The following MMP26 variants were observed in gnomAD, a reference collection of about 807,000 sequenced individuals.
The protein encoded by MMP26 is matrix metallopeptidase 26.
In MMP26, 33 loss-of-function variants were observed where a neutral mutation model predicts 31.0. The ratio of observed to expected loss-of-function variants is 1.06; its 90% CI spans 0.81 to 1.42. MMP26 has a LOEUF of 1.42. Among genes scored for constraint, MMP26 ranks in the 40% most tolerant of loss-of-function variants. The pLI, the probability that MMP26 is intolerant of heterozygous loss-of-function variation, is 0.00. For missense variants in MMP26, 347 were observed against 316.1 expected, an observed-to-expected ratio of 1.10 and a Z score of -0.74; for synonymous variants, 122 against 114.9, an observed-to-expected ratio of 1.06 and a Z score of -0.40.
intron 2 of MMP26, among the ~76,000 whole-genome samples, chr11:4,862,677 G>A (rs1850179621): frequency 6.6e-6 from 1 of 152,070 alleles, no homozygotes; most frequent in East Asian, 1.9e-4. Flanking sequence ...AGAACAAGTA[G>A]TTTCCCTACC....
intron 1 of MMP26, among the ~76,000 whole-genome samples, chr11:4,744,113 T>G (rs1292297995): frequency 6.6e-6 from 1 of 152,258 alleles, no homozygotes; most frequent in East Asian, 1.9e-4. Context: ...CTATTCTTAC[T>G]CCCCATGTCT....
intron 1 of MMP26, among the ~76,000 whole-genome samples, chr11:4,725,975 A>T (rs1848093477): frequency 6.6e-6 from 1 of 152,206 alleles, no homozygotes; most frequent in South Asian, 2.1e-4. Context: ...CTGCAGGCAC[A>T]GTAAAGCCTC....
chr11:4,827,860 G>A (rs1224790331), intron 2 of MMP26, among the ~76,000 whole-genome samples: 6 of 150,106 alleles, frequency 4.0e-5, no homozygotes, highest in African/African-American at 1.2e-4. Flanking sequence ...ACACAACAAA[G>A]ACAAACTTGT....
chr11:4,940,823 T>C (rs1464579224), intron 2 of MMP26, among the ~76,000 whole-genome samples: 2 of 152,176 alleles, frequency 1.3e-5, no homozygotes, highest in African/African-American at 4.8e-5. Flanking sequence ...CATTTTCCCC[T>C]AGCTATAATT....
chr11:4,804,287 A>G (rs1734074597), intron 2 of MMP26: 1 of 1,614,084 alleles, frequency 6.2e-7, no homozygotes, highest in African/African-American at 1.3e-5. Context: ...CAGAACGGAA[A>G]GGCAATCCAC....
At chr11:4,950,597 T>C (rs1846362684) in intron 2 of MMP26, among the ~76,000 whole-genome samples, 1 of 122,102 alleles carries the variant, frequency 8.2e-6, no homozygotes, top group Non-Finnish European at 1.9e-5. Flanking sequence ...TTTATAACAA[T>C]AGCACAGCAT....
chr11:4,744,141 A>C (rs1251987858), intron 1 of MMP26, among the ~76,000 whole-genome samples: 1 of 152,082 alleles, frequency 6.6e-6, no homozygotes, highest in Non-Finnish European at 1.5e-5. Context: ...CTCTTCAGGG[A>C]TACTATAATT....
chr11:4,908,476 A>G, intron 2 of MMP26: 1 of 663,298 alleles, frequency 1.5e-6, no homozygotes, highest in South Asian at 1.7e-5. Context: ...CAGGATAGAA[A>G]AAAAAGTCAA....
intron 2 of MMP26, among the ~76,000 whole-genome samples, chr11:4,776,646 C>G (rs1317096279): frequency 6.6e-6 from 1 of 152,062 alleles, no homozygotes; most frequent in East Asian, 1.9e-4. Flanking sequence ...ATCATGGGGG[C>G]AGATTTCCTG....
intron 2 of MMP26, among the ~76,000 whole-genome samples, chr11:4,804,817 C>T (rs1169023736): frequency 1.5e-5 from 2 of 134,674 alleles, no homozygotes; most frequent in African/African-American, 2.8e-5. Context: ...AAAAAAAAAC[C>T]CCATTAGCCA....
intron 2 of MMP26, chr11:4,847,701 A>C (rs911327785): frequency 2.6e-5 from 4 of 152,218 alleles, no homozygotes; most frequent in Non-Finnish European, 5.9e-5. Flanking sequence ...TCCTGGCCTG[A>C]TCAGAGTTAA....
chr11:4,737,296 C>G (rs1201289387), intron 1 of MMP26, among the ~76,000 whole-genome samples: 3 of 152,124 alleles, frequency 2.0e-5, no homozygotes, highest in Non-Finnish European at 4.4e-5. Flanking sequence ...TGAACTTCCT[C>G]TTCATGATTC....
chr11:4,989,681 G>A lies in MMP26; in HGVS notation c.133G>A (p.Glu45Lys), dbSNP rs1201755306. 3.1e-6 allele frequency: 5 copies of A among 1,613,326 alleles called. No homozygotes were observed. In the East Asian group the frequency reaches 1.1e-4, roughly 36 times the overall value. ...YFHQFFLTKKESPLLTQETQT... is the reference protein window; with the variant it reads ...YFHQFFLTKKKSPLLTQETQT... ...CCATCAATTTTTCCTGACCAAGAAG[G>A]AGTCGCCACTCCTTACCCAGGAGAC... The change falls in exon 4 of 8, where the codon GAG becomes AAG. Residue 45 changes from glutamate to lysine, a missense_variant. Coordinates refer to ENST00000380390, the MANE Select transcript of MMP26 (RefSeq NM_021801.5).
chr11:4,781,346 GA>G (rs1322072465), intron 2 of MMP26, among the ~76,000 whole-genome samples: 1 of 71,708 alleles, frequency 1.4e-5, no homozygotes, highest in Non-Finnish European at 2.7e-5. Context: ...AGGAGATCGA[GA>G]CCATCCTGGC....
intron 2 of MMP26, among the ~76,000 whole-genome samples, chr11:4,866,684 T>C (rs1218226085): frequency 6.6e-6 from 1 of 152,142 alleles, no homozygotes; most frequent in Admixed American, 6.6e-5. Flanking sequence ...CTTCAAACTA[T>C]ATTACAAGGC....
At chr11:4,775,679 C>T (rs1049807475) in intron 2 of MMP26, among the ~76,000 whole-genome samples, 7 of 151,530 alleles carry the variant, frequency 4.6e-5, no homozygotes, top group Middle Eastern at 3.2e-3. Context: ...CATGTTGCTT[C>T]CACTCATGGC....
At chr11:4,860,090 A>C (rs749033908) in intron 2 of MMP26, 1 of 470,986 alleles carries the variant, frequency 2.1e-6, no homozygotes, top group African/African-American at 2.0e-5. Flanking sequence ...GGCACAGGGA[A>C]TACCACACAG....
At chr11:4,709,926 AT>A in intron 1 of MMP26, 1 of 456,964 alleles carries the variant, frequency 2.2e-6, no homozygotes, top group Non-Finnish European at 4.4e-6. Flanking sequence ...ACTTTTGGCA[AT>A]GGCCTTTGAC....
At chr11:4,743,817 G>T (rs1360020983) in intron 1 of MMP26, among the ~76,000 whole-genome samples, 2 of 151,998 alleles carry the variant, frequency 1.3e-5, no homozygotes, top group Admixed American at 6.6e-5. Context: ...GGGTTTGTTT[G>T]TTTTTTGAAA....
Sources: allele counts gnomAD v4.1 joint callset (sites outside exome capture counted in the v4.1 genomes callset), GRCh38; gene constraint gnomAD v4.1.1; transcripts MANE v1.5; gene names NCBI Gene and HGNC (gene_info 2026-07-23, HGNC 2026-07-21).